RYR3: variants seen among roughly 807,000 people sequenced by gnomAD.
RYR3 encodes brain ryanodine receptor-calcium release channel.
Under a neutral mutation model 584.3 loss-of-function variants are expected in RYR3, and 207 were observed. That is an observed-to-expected ratio of 0.35 (90% confidence interval 0.32 to 0.40). The LOEUF (loss-of-function observed/expected upper bound fraction) is 0.40. Ranked by LOEUF, RYR3 falls within the 10% of genes least tolerant of loss-of-function variation. The pLI is 1.00. For missense variants in RYR3, 5,616 were observed against 6,089.2 expected (o/e 0.92, Z 2.59); for synonymous variants, 2,416 against 2,248.5 (o/e 1.07, Z -2.11).
chr15:33,329,587 G>A (rs560281899), intron 1 of RYR3, among the ~76,000 whole-genome samples: 15 of 152,010 alleles, frequency 9.9e-5, no homozygotes, highest in East Asian at 7.7e-4. Context: ...CATCTTTGTC[G>A]AAAGAACTGG....
chr15:33,634,528 T>G, intron 24 of RYR3, 58 bp from the exon 25 acceptor site: 92 of 1,571,068 alleles, frequency 5.9e-5, no homozygotes, highest in Non-Finnish European at 7.5e-5. Flanking sequence ...GTGAATAGGG[T>G]GAGCTGTGGT....
chr15:33,585,516 G>A (rs955814831), intron 15 of RYR3, among the ~76,000 whole-genome samples: 2 of 152,140 alleles, frequency 1.3e-5, no homozygotes, highest in African/African-American at 4.8e-5. Flanking sequence ...TTTGATACAT[G>A]AGTAGACCTA....
At chr15:33,689,919 T>A (rs1424764373) in intron 38 of RYR3, among the ~76,000 whole-genome samples, 1 of 152,216 alleles carries the variant, frequency 6.6e-6, no homozygotes. Flanking sequence ...GTAGAGTACT[T>A]AACCTTGGGC....
chr15:33,486,043 G>A (rs2050389950), intron 2 of RYR3, among the ~76,000 whole-genome samples: 1 of 146,114 alleles, frequency 6.8e-6, no homozygotes, highest in African/African-American at 2.5e-5. Context: ...AGAGGACATA[G>A]AAACAACCCC....
chr15:33,520,076 C>T (rs370159317), intron 3 of RYR3, among the ~76,000 whole-genome samples: 9 of 152,030 alleles, frequency 5.9e-5, no homozygotes, highest in Non-Finnish European at 8.8e-5. Flanking sequence ...GAAAAAACCC[C>T]ATGTAAGTTG....
chr15:33,392,059 C>T (rs2042029262), intron 1 of RYR3, among the ~76,000 whole-genome samples: 2 of 152,002 alleles, frequency 1.3e-5, no homozygotes, highest in South Asian at 4.2e-4. Context: ...GTTTTCAGAG[C>T]ACCTATCAAT....
chr15:33,336,440 AAGAGAGAGAG>A (rs1204873404), intron 1 of RYR3, among the ~76,000 whole-genome samples: 153 of 12,132 alleles, frequency 0.013, 28 homozygotes, highest in East Asian at 0.033. Context: ...GAAAGAAAGA[AAGAGAGAGAG>A]AGAGAGAGAG....
chr15:33,412,863 C>G lies in RYR3; in HGVS notation c.52-60556C>G, dbSNP rs1215248917. 6.6e-6 allele frequency among the ~76,000 whole-genome samples: 1 copy of G among 152,170 alleles called. No homozygotes were observed. The highest frequency in any genetic ancestry group is 1.5e-5 in the Non-Finnish European group (1 of 68,030). The stretch of plus-strand genomic sequence containing the variant: ...GTGTCATGCAAAGGAGGAGGAAAAC[C>G]AGTCTTCCTGGGGGAAGGCAGCTGG... On this transcript the variant is annotated intron_variant, in intron 1 of 103. Coordinates refer to ENST00000634891, the MANE Select transcript of RYR3 (RefSeq NM_001036.6). This position sits in a 1 kb window ranked among gnomAD's most constrained non-coding sequence, Gnocchi z 4.3.
intron 1 of RYR3, among the ~76,000 whole-genome samples, chr15:33,420,811 GC>G (rs1306625977): frequency 6.6e-6 from 1 of 152,120 alleles, no homozygotes; most frequent in Non-Finnish European, 1.5e-5. Flanking sequence ...AAGTAGGAAA[GC>G]AAAAATAATC....
chr15:33,776,538 C>A (rs2074003548), intron 64 of RYR3, among the ~76,000 whole-genome samples: 1 of 152,190 alleles, frequency 6.6e-6, no homozygotes, highest in African/African-American at 2.4e-5. Flanking sequence ...TTCTTTCATC[C>A]TGTCTGGCTC....
chr15:33,722,824 C>T lies in RYR3; in HGVS notation c.6729C>T (p.Ala2243=). The T allele has an allele frequency of 6.2e-7, 1 of 1,612,892 alleles. No individual in the cohort carries two copies. The highest frequency in any genetic ancestry group is 1.3e-5 in the African/African-American group (1 of 74,960). Residue 2243 remains alanine, a synonymous_variant, in exon 44 of 104, where the codon GCC becomes GCT. Transcript: ENST00000634891. ...AGGGGGGAAACGGGCTCTTGGCAGC[C>T]ATGCAGGGTGCCATTAAGATCTCTG... ...RGEGGNGLLA[A]MQGAIKISEN...
At chr15:33,631,499 T>A (rs1045128561) in intron 23 of RYR3, among the ~76,000 whole-genome samples, 2 of 152,154 alleles carry the variant, frequency 1.3e-5, no homozygotes, top group Non-Finnish European at 2.9e-5. Context: ...CTTTGCCCCT[T>A]CCACCTGGAC....
At chr15:33,534,655 A>C (rs975915263) in intron 5 of RYR3, among the ~76,000 whole-genome samples, 1 of 152,246 alleles carries the variant, frequency 6.6e-6, no homozygotes, top group Non-Finnish European at 1.5e-5. Flanking sequence ...AGATATTCAA[A>C]GTTGTAATAT....
rs114013488 is a variant in RYR3, at chr15:33,607,855, A to T, written c.2164+4491A>T. Among the ~76,000 whole-genome samples, 271 of 152,300 alleles carry T rather than the reference A, an allele frequency of 1.8e-3. 1 individual carries two copies. The highest frequency in any genetic ancestry group is 6.2e-3 in the African/African-American group (256 of 41,558). On this transcript the variant is annotated intron_variant, in intron 18 of 103. Transcript: ENST00000634891. Reference sequence around the variant, plus strand: ...CACTTGCTGTGGGTTACAGTGTGCGAGGCGCTCTTCTATTGCTCTATATAG... The same window carrying T: ...CACTTGCTGTGGGTTACAGTGTGCGTGGCGCTCTTCTATTGCTCTATATAG...
At chr15:33,634,456 C>A in intron 24 of RYR3, 130 bp from the exon 25 acceptor site, 2 of 735,418 alleles carry the variant, frequency 2.7e-6, no homozygotes, top group Non-Finnish European at 4.6e-6. Context: ...AATGTGAAGG[C>A]ACTGAGGGAA....
At chr15:33,323,589 C>G (rs1220159232) in intron 1 of RYR3, among the ~76,000 whole-genome samples, 3 of 152,114 alleles carry the variant, frequency 2.0e-5, no homozygotes, top group African/African-American at 7.2e-5. Flanking sequence ...ACTACAATTT[C>G]TAAGTCAATT....
At chr15:33,540,941 C>CTGT in intron 7 of RYR3, 51 bp downstream of exon 7, 1 of 1,181,450 alleles carries the variant, frequency 8.5e-7, no homozygotes, top group Non-Finnish European at 1.3e-6. Context: ...CTCTCTTGAG[C>CTGT]TGTATACATT....
chr15:33,861,410 C>G (rs1027225518), intron 102 of RYR3, among the ~76,000 whole-genome samples: 1 of 152,094 alleles, frequency 6.6e-6, no homozygotes, highest in African/African-American at 2.4e-5. Context: ...TGATTGGATT[C>G]CATCCGGGAC....
At chr15:33,597,848 A>C (rs962654611) in intron 16 of RYR3, among the ~76,000 whole-genome samples, 12 of 151,976 alleles carry the variant, frequency 7.9e-5, no homozygotes, top group Admixed American at 2.6e-4. Flanking sequence ...ATACATATAA[A>C]AACTTATGAG....
Sources: gnomAD v4.1 joint callset for allele counts (sites outside exome capture counted in the v4.1 genomes callset) on GRCh38, gnomAD v4.1.1 for gene constraint, Gnocchi (gnomAD v3.1) non-coding constraint, MANE v1.5 for transcripts, NCBI Gene and HGNC (gene_info 2026-07-23, HGNC 2026-07-21) for gene names.